Variants in GNAS observed in about 807,000 individuals in gnomAD.
GNAS encodes the protein GNAS complex locus.
GNAS carries 8 observed loss-of-function variants against 54.5 expected under a neutral mutation model. The ratio of observed to expected loss-of-function variants is 0.15; its 90% CI spans 0.09 to 0.26. The LOEUF (loss-of-function observed/expected upper bound fraction) is 0.26. Ranked by LOEUF, GNAS falls within the 10% of genes least tolerant of loss-of-function variation. The pLI is 1.00. For synonymous variants in GNAS, 204 were observed against 191.4 expected, an observed-to-expected ratio of 1.07 and a Z score of -0.54; for missense variants, 170 against 529.8, an observed-to-expected ratio of 0.32 and a Z score of 6.67.
In GNAS at chr20:58,905,365, T is replaced by C. The variant is rs3730170; in HGVS notation, c.433-18T>C. 43,713 of 1,427,932 alleles carry C rather than the reference T, an allele frequency of 0.031. 1,651 individuals carry two copies. The highest frequency in any genetic ancestry group is 0.18 in the African/African-American group (12,791 of 71,374). The allele number at this position is 1,427,932 out of a possible 1,614,324, so 88.5% of individuals were successfully genotyped here. ...CAAGCTCTTGCCTTTCTCTAAACTT[T>C]CTTGTGTTCACTTTCAGGAATTCTA... is the stretch of plus-strand genomic sequence containing the variant. On this transcript the variant is annotated intron_variant, in intron 5 of 12. Transcript: ENST00000371085.
At chr20:58,878,912 TGGG>T (rs11086659) in intron 1 of GNAS, among the ~76,000 whole-genome samples, 1 of 95,324 alleles carries the variant, frequency 1.0e-5, no homozygotes, top group African/African-American at 4.1e-5. Context: ...GGGGTGCGGG[TGGG>T]GGGGGGAGGG....
At chr20:58,906,354 C>T (rs550386915) in intron 6 of GNAS, among the ~76,000 whole-genome samples, 1 of 152,282 alleles carries the variant, frequency 6.6e-6, no homozygotes, top group South Asian at 2.1e-4. Flanking sequence ...CTGCCTAACA[C>T]CTGACTTACC....
chr20:58,850,235 C>G (rs1399168022), intron 1 of GNAS, among the ~76,000 whole-genome samples: 1 of 152,186 alleles, frequency 6.6e-6, no homozygotes, highest in Non-Finnish European at 1.5e-5. Flanking sequence ...AGGTGGAGTT[C>G]TTTTCTTCCA....
chr20:58,900,277 T>C (rs59339364), intron 3 of GNAS: 9,430 of 447,886 alleles, frequency 0.021, 756 homozygotes, highest in African/African-American at 0.17. Flanking sequence ...AGCAACCTAC[T>C]GTGTACTAGA....
In GNAS at chr20:58,853,586, A is replaced by C. The variant is rs1481258700; in HGVS notation, c.43+12700A>C. ...AGGAAGCAATGCCCTTCGAGGCTGA[A>C]CAGCCCAGCTTGGGAGGCTTCTGGC... is the stretch of plus-strand genomic sequence containing the variant. On this transcript the variant is annotated intron_variant, in intron 1 of 12. Transcript: ENST00000306090. This position sits in a 1 kb window ranked among gnomAD's most constrained non-coding sequence, Gnocchi z 4.4. 1.2e-6 allele frequency: 2 copies of C among 1,613,270 alleles called. No homozygotes were observed. The highest frequency in any genetic ancestry group is 2.2e-5 in the South Asian group (2 of 91,086).
rs1482140898 is a variant in GNAS, at chr20:58,891,973, C to G, written c.139+108C>G. 114 of 769,908 alleles carry G rather than the reference C, an allele frequency of 1.5e-4. 1 individual carries two copies. The highest frequency in any genetic ancestry group is 1.8e-4 in the Non-Finnish European group (112 of 635,736). The allele number at this position is 769,908 out of a possible 1,614,324, so 47.7% of individuals were successfully genotyped here. Reference sequence around the variant, plus strand: ...CCGCCCCGGGCGCGCGCTCCCGAGCCCCCCGCCCGTTCGCGGGCTCTGTCT... The same window carrying G: ...CCGCCCCGGGCGCGCGCTCCCGAGCGCCCCGCCCGTTCGCGGGCTCTGTCT... On this transcript the variant is annotated intron_variant, in intron 1 of 12. Transcript: ENST00000371085.
At chr20:58,908,777 A>G (rs182214077) in intron 6 of GNAS, 1 of 284,578 alleles carries the variant, frequency 3.5e-6, no homozygotes, top group Admixed American at 4.8e-5. Context: ...ATTGCCAGAG[A>G]GCAACAGGAA....
At chr20:58,889,282 CCT>C (rs2088871046), upstream of GNAS, 4 of 1,001,772 alleles carry the variant, frequency 4.0e-6, no homozygotes, top group South Asian at 1.6e-4. Context: ...GGAGCGAGCC[CCT>C]GTCCCGGCGC....
chr20:58,841,427 G>C lies in GNAS; in HGVS notation c.43+541G>C, dbSNP rs982227001. The C allele has an allele frequency of 1.0e-5, 10 of 992,596 alleles. No homozygotes were observed. Among genetic ancestry groups the C allele is most frequent in the South Asian group, 4.6e-5 (1 of 21,876 alleles). 61.5% of individuals were successfully genotyped at this position (992,596 alleles called of 1,614,324 possible). ...CGAGAACTCTAGAGACTGACCACCC[G>C]GGAGGGAAGTCACGCGCGCGCGGCG... is the stretch of plus-strand genomic sequence containing the variant. On this transcript the variant is annotated intron_variant, in intron 1 of 12. Coordinates refer to the GNAS transcript ENST00000306090. The surrounding 1 kb of genome is among the most constrained non-coding windows in gnomAD (Gnocchi z 5.0).
rs752639879 is a variant in GNAS at position 58,910,442 on chromosome 20, T to C, written c.1038+41T>C. On this transcript the variant is annotated intron_variant, in intron 12 of 12. Coordinates refer to ENST00000371085, the MANE Select transcript of GNAS (RefSeq NM_000516.7). The surrounding 1 kb of genome is among the most constrained non-coding windows in gnomAD (Gnocchi z 5.8). Reference sequence around the variant, plus strand: ...CTTTAGTTTCCTCTCTTGTTCCTCCTCTTTTTCTCATGGATGTAAATTTAC... The same window carrying C: ...CTTTAGTTTCCTCTCTTGTTCCTCCCCTTTTTCTCATGGATGTAAATTTAC... 1 of 1,446,494 alleles carries C rather than the reference T, an allele frequency of 6.9e-7. No individual in the cohort carries two copies. The highest frequency in any genetic ancestry group is 9.7e-7 in the Non-Finnish European group (1 of 1,027,170). The allele number at this position is 1,446,494 out of a possible 1,614,324, so 89.6% of individuals were successfully genotyped here. A position where few individuals can be genotyped will look rare whatever the true frequency, so the allele number is the denominator to read the frequency against.
In GNAS at chr20:58,840,855, C is replaced by T. The variant is rs749143784; in HGVS notation, c.12C>T (p.Ala4=). 6.2e-7 allele frequency: 1 copy of T among 1,612,666 alleles called. No individual in the cohort carries two copies. The highest frequency in any genetic ancestry group is 8.5e-7 in the Non-Finnish European group (1 of 1,179,936). ...ATCCGGCGTCACTAATGGAGGACGC[C>T]GTCCAGATTCTCCTTGTTTTCATGG... The change falls in exon 1 of 13, where the codon GCC becomes GCT. Residue 4 remains alanine (A), a synonymous_variant. Transcript: ENST00000306090. This position sits in a 1 kb window ranked among gnomAD's most constrained non-coding sequence, Gnocchi z 6.0.
intron 1 of GNAS, among the ~76,000 whole-genome samples, chr20:58,846,618 C>T (rs766444443): frequency 3.3e-5 from 5 of 152,202 alleles, no homozygotes; most frequent in African/African-American, 9.7e-5. Flanking sequence ...CACTCTCAAA[C>T]TTGAGGGGTC....
At position 58,910,622 on chromosome 20, in the gene GNAS, C is replaced by T. The variant is rs941852748; in HGVS notation, c.1039-61C>T. The T allele has an allele frequency of 5.0e-6, 8 of 1,596,990 alleles. No individual in the cohort carries two copies. The African/African-American group carries it at 1.1e-4, about 21-fold the overall frequency. ...AGCCGTCCCTGGTAGGTGTCCCCAT[C>T]AGGGATAGGGTGGTTCCTGGCGAGG... On this transcript the variant is annotated intron_variant, in intron 12 of 12. Transcript: ENST00000371085. The surrounding 1 kb of genome is among the most constrained non-coding windows in gnomAD (Gnocchi z 5.8).
At chr20:58,890,266 CGGCCGCCGCCGACGACGACGA>C (rs2089035810), upstream of GNAS, among the ~76,000 whole-genome samples, 1 of 150,196 alleles carries the variant, frequency 6.7e-6, no homozygotes, top group South Asian at 2.1e-4. Context: ...GCCGCCGCCG[CGGCCGCCGCCGACGACGACGA>C]GGGCGCCGAG....
At chr20:58,891,969 G>C in intron 1 of GNAS, 104 bp downstream of exon 1, 1 of 776,442 alleles carries the variant, frequency 1.3e-6, no homozygotes, top group Non-Finnish European at 1.6e-6. Context: ...GCGCGCTCCC[G>C]AGCCCCCCGC....
intron 1 of GNAS, chr20:58,855,875 T>G: frequency 1.1e-5 from 6 of 530,914 alleles, no homozygotes; most frequent in Admixed American, 3.5e-5. Context: ...ACCCCCAAAT[T>G]ACCCGCCGAC....
At chr20:58,878,074 C>G (rs1360316558) in intron 1 of GNAS, among the ~76,000 whole-genome samples, 1 of 152,200 alleles carries the variant, frequency 6.6e-6, no homozygotes, top group Non-Finnish European at 1.5e-5. Context: ...AGGGCCCTTT[C>G]CTGGCATGCA....
At chr20:58,842,099 G>A (rs2085758384) in intron 1 of GNAS, 3 of 402,186 alleles carry the variant, frequency 7.5e-6, no homozygotes, top group Non-Finnish European at 1.3e-5. Context: ...TTTCAGCACG[G>A]GTAGAGTTAA....
chr20:58,842,410 G>A (rs1025724428), intron 1 of GNAS: 3 of 398,398 alleles, frequency 7.5e-6, no homozygotes, highest in Non-Finnish European at 1.3e-5. Context: ...CCTAAGAAAA[G>A]GATGATGATA....
Sources: gnomAD v4.1 joint callset for allele counts (sites outside exome capture counted in the v4.1 genomes callset) on GRCh38, gnomAD v4.1.1 for gene constraint, Gnocchi (gnomAD v3.1) non-coding constraint, MANE v1.5 for transcripts, NCBI Gene and HGNC (gene_info 2026-07-23, HGNC 2026-07-21) for gene names.